The following CARD8 variants were observed in gnomAD, a reference collection of about 807,000 sequenced individuals.
CARD8 encodes the protein caspase recruitment domain-containing protein 8.
CARD8 carries 38 observed loss-of-function variants against 53.2 expected under a neutral mutation model. The ratio of observed to expected loss-of-function variants is 0.71; its 90% CI spans 0.55 to 0.94. CARD8 has a LOEUF of 0.94. Among genes scored for constraint, CARD8 ranks in the 40% least tolerant of loss-of-function variants. The pLI, the probability that CARD8 is intolerant of heterozygous loss-of-function variation, is 0.00. For synonymous variants in CARD8, 245 were observed against 244.9 expected, an observed-to-expected ratio of 1.00 and a Z score of 0.00; for missense variants, 561 against 655.5, an observed-to-expected ratio of 0.86 and a Z score of 1.57.
In CARD8 at chr19:48,218,980, T is replaced by G. The variant is rs778314962; in HGVS notation, c.1194A>C (p.Glu398Asp). Residue 398 changes from glutamate (E) to aspartate (D), a missense_variant, in exon 12 of 14, where the codon GAA becomes GAC. Coordinates refer to ENST00000651546, the MANE Select transcript of CARD8 (RefSeq NM_001184900.3). ...CATAGAATTTTGAGAAGTGCTGAATTTCTCCAGGGCTCCTGTAGGACAATT... is the reference window on the plus strand; with the variant it reads ...CATAGAATTTTGAGAAGTGCTGAATGTCTCCAGGGCTCCTGTAGGACAATT... ...ELKLSYRSPG[E>D]IQHFSKFYAG... The G allele has an allele frequency of 1.9e-6, 3 of 1,614,068 alleles. No individual in the cohort carries two copies. Among genetic ancestry groups the G allele is most frequent in the Non-Finnish European group, 2.5e-6 (3 of 1,179,942 alleles).
chr19:48,248,294 C>T (rs2046434338), intron 3 of CARD8, among the ~76,000 whole-genome samples: 1 of 152,098 alleles, frequency 6.6e-6, no homozygotes, highest in South Asian at 2.1e-4. Context: ...GTGGGAGGAT[C>T]ACTTGGGTCC....
intron 10 of CARD8, among the ~76,000 whole-genome samples, chr19:48,225,042 C>T (rs906459387): frequency 1.2e-4 from 18 of 152,028 alleles, no homozygotes; most frequent in South Asian, 4.2e-4. Flanking sequence ...TGTGAGCCAC[C>T]GCACCCGGCC....
rs2043496551 is a variant in CARD8 at position 48,234,454 on chromosome 19, A to G, written c.299T>C (p.Leu100Ser). 6.2e-7 allele frequency: 1 copy of G among 1,613,946 alleles called. No homozygotes were observed. Among genetic ancestry groups the G allele is most frequent in the Non-Finnish European group, 8.5e-7 (1 of 1,179,890 alleles). ...QEDDETEAEP[L>S]LFRAVPECQL... The stretch of plus-strand genomic sequence containing the variant: ...ACACTCAGGAACAGCACGGAACAAT[A>G]ATGGCTCTGCCTCTGTCTCATCATC... The change falls in exon 6 of 14, where the codon TTA (leucine) becomes TCA (serine). Residue 100 changes from leucine to serine, a missense_variant. Transcript: ENST00000651546.
chr19:48,221,884 G>T, intron 10 of CARD8, 29 bp from the exon 11 acceptor site: 2 of 1,547,054 alleles, frequency 1.3e-6, no homozygotes, highest in Non-Finnish European at 1.8e-6. Context: ...AAACATTAGA[G>T]AGCACAAAAA....
rs768128637 is a variant in CARD8, at chr19:48,221,769, A to G, written c.1122T>C (p.Tyr374=). ...TCAGGTTAGCAGAATTAGACACAAT[A>G]TAACTGGAACCAAAGTTCAGGGGTT... The part of the protein sequence containing the change: ...PMEPLNFGSS[Y]IVSNSANLKV... The change falls in exon 11 of 14, where the codon TAT becomes TAC. Residue 374 remains tyrosine, a synonymous_variant. Transcript: ENST00000651546. 1.1e-5 allele frequency: 17 copies of G among 1,608,278 alleles called. No homozygotes were observed. The African/African-American group carries it at 1.1e-4, about 10-fold the overall frequency.
downstream of CARD8, among the ~76,000 whole-genome samples, chr19:48,205,654 A>G (rs8109365): frequency 0.026 from 3,980 of 152,230 alleles, 73 homozygotes; most frequent in Non-Finnish European, 0.04. Flanking sequence ...CCCCCATTTT[A>G]CAGATGAGGA....
At chr19:48,243,484 G>A (rs1245077270) in intron 3 of CARD8, among the ~76,000 whole-genome samples, 1 of 152,042 alleles carries the variant, frequency 6.6e-6, no homozygotes, top group Non-Finnish European at 1.5e-5. Flanking sequence ...ATTAAAATCT[G>A]CATATTTAAT....
At chr19:48,228,046 G>T (rs1276329298) in intron 10 of CARD8, among the ~76,000 whole-genome samples, 1 of 152,164 alleles carries the variant, frequency 6.6e-6, no homozygotes, top group Non-Finnish European at 1.5e-5. Context: ...ATCAGCAGTG[G>T]CATCAGATTC....
chr19:48,252,087 T>A (rs965597421), intron 1 of CARD8, among the ~76,000 whole-genome samples: 1 of 152,196 alleles, frequency 6.6e-6, no homozygotes, highest in African/African-American at 2.4e-5. Context: ...TAAAAAATAA[T>A]AAAATTATTT....
chr19:48,234,571 A>G (rs748993448), intron 5 of CARD8, 28 bp from the exon 6 acceptor site: 5 of 1,603,214 alleles, frequency 3.1e-6, no homozygotes, highest in Non-Finnish European at 3.4e-6. Flanking sequence ...AATTTTTACT[A>G]TGAATATAAG....
chr19:48,254,213 A>G (rs1358245447), intron 1 of CARD8, among the ~76,000 whole-genome samples: 4 of 152,052 alleles, frequency 2.6e-5, no homozygotes, highest in Non-Finnish European at 5.9e-5. Context: ...TGGTCTGGGC[A>G]GCATTGCAAG....
chr19:48,230,169 GT>G (rs2042578196), intron 10 of CARD8, among the ~76,000 whole-genome samples: 2 of 152,160 alleles, frequency 1.3e-5, no homozygotes, highest in South Asian at 4.1e-4. Context: ...CTGTCAGCTG[GT>G]CCCCCAAAAT....
At chr19:48,215,169 C>G (rs2039008436) in intron 13 of CARD8, 171 bp downstream of exon 13, 1 of 542,914 alleles carries the variant, frequency 1.8e-6, no homozygotes, top group Non-Finnish European at 3.4e-6. Context: ...TTATGCCCCT[C>G]AGTCAAATTC....
At chr19:48,215,416 TGAGATA>T (rs1262611701) in intron 12 of CARD8, 32 bp from the exon 13 acceptor site, 43 of 1,512,998 alleles carry the variant, frequency 2.8e-5, no homozygotes, top group Non-Finnish European at 3.6e-5. Flanking sequence ...TATGATGAGA[TGAGATA>T]AATCATGTAC....
intron 10 of CARD8, among the ~76,000 whole-genome samples, chr19:48,226,243 ATT>A (rs1029300054): frequency 6.6e-6 from 1 of 152,012 alleles, no homozygotes; most frequent in Non-Finnish European, 1.5e-5. Flanking sequence ...TTATTGATTT[ATT>A]TAAGACAGAG....
chr19:48,206,376 G>A (rs1469499510), downstream of CARD8: 1 of 447,696 alleles, frequency 2.2e-6, no homozygotes, highest in Non-Finnish European at 4.5e-6. Flanking sequence ...ATTTCAGGAA[G>A]CGCCTACCGT....
chr19:48,220,975 AAGG>A (rs2040434038), intron 11 of CARD8, among the ~76,000 whole-genome samples: 1 of 94,538 alleles, frequency 1.1e-5, no homozygotes, highest in Non-Finnish European at 2.2e-5. Flanking sequence ...GGAAGGAAGG[AAGG>A]AAGGAAGGAA....
chr19:48,220,396 T>C (rs963692246), intron 11 of CARD8, among the ~76,000 whole-genome samples: 4 of 152,180 alleles, frequency 2.6e-5, no homozygotes, highest in African/African-American at 9.7e-5. Context: ...AACCCTCTTG[T>C]TTCTCACCTC....
intron 1 of CARD8, among the ~76,000 whole-genome samples, chr19:48,250,674 G>T (rs984833141): frequency 1.3e-5 from 2 of 152,180 alleles, no homozygotes; most frequent in African/African-American, 4.8e-5. Context: ...GGAGTGACTG[G>T]TGACTAGGAA....
Sources: gnomAD v4.1 joint callset for allele counts (sites outside exome capture counted in the v4.1 genomes callset) on GRCh38, gnomAD v4.1.1 for gene constraint, MANE v1.5 for transcripts, NCBI Gene and HGNC (gene_info 2026-07-23, HGNC 2026-07-21) for gene names.